The following KIAA1217 variants were observed in gnomAD, a reference collection of about 807,000 sequenced individuals.
KIAA1217 encodes KIAA1217, also known as sickle tail protein homolog.
In KIAA1217, 88 loss-of-function variants were observed where a neutral mutation model predicts 163.9. The observed-to-expected ratio is 0.54, with a 90% CI of 0.45 to 0.64. The LOEUF is 0.64. Among genes scored for constraint, KIAA1217 ranks in the 30% least tolerant of loss-of-function variants. The pLI is 0.00. For synonymous variants in KIAA1217, 903 were observed against 923.1 expected, an observed-to-expected ratio of 0.98 and a Z score of 0.39; for missense variants, 2,372 against 2,475.0, an observed-to-expected ratio of 0.96 and a Z score of 0.88.
At chr10:24,342,313 CT>C (rs2047190750) in intron 2 of KIAA1217, among the ~76,000 whole-genome samples, 1 of 152,180 alleles carries the variant, frequency 6.6e-6, no homozygotes, top group Non-Finnish European at 1.5e-5. Context: ...AAAATGGCAG[CT>C]GACAGCAGAA....
intron 1 of KIAA1217, among the ~76,000 whole-genome samples, chr10:24,215,686 C>T (rs1033060575): frequency 2.0e-5 from 3 of 152,186 alleles, no homozygotes; most frequent in Non-Finnish European, 4.4e-5. Flanking sequence ...TTGCTTCTCC[C>T]CCAGGTGTGG....
At chr10:23,735,612 T>G (rs2130797851) in intron 1 of KIAA1217, among the ~76,000 whole-genome samples, 1 of 152,242 alleles carries the variant, frequency 6.6e-6, no homozygotes, top group Middle Eastern at 3.4e-3. Context: ...TTTTTGTGTC[T>G]TTTGCTCATT....
chr10:24,474,125 C>A, intron 6 of KIAA1217, 65 bp downstream of exon 6: 1 of 1,214,416 alleles, frequency 8.2e-7, no homozygotes, highest in Non-Finnish European at 1.2e-6. Flanking sequence ...GGCAGCTCTA[C>A]AGGGGTCAAA....
intron 12 of KIAA1217, among the ~76,000 whole-genome samples, chr10:24,523,239 T>C (rs770380130): frequency 3.3e-5 from 5 of 151,336 alleles, no homozygotes; most frequent in Non-Finnish European, 7.4e-5. Flanking sequence ...GGAAGATCTC[T>C]TGAACGTAAG....
chr10:23,780,667 A>G (rs1383604290), intron 1 of KIAA1217, among the ~76,000 whole-genome samples: 1 of 152,138 alleles, frequency 6.6e-6, no homozygotes. Context: ...TCCTATAGAT[A>G]TACCAGATTT....
intron 5 of KIAA1217, among the ~76,000 whole-genome samples, chr10:24,452,679 C>CAAAAA (rs1331069997): frequency 3.1e-5 from 2 of 64,090 alleles, no homozygotes; most frequent in East Asian, 5.6e-4. Flanking sequence ...AAGACTGTCT[C>CAAAAA]AAAAAAAAAA....
chr10:24,086,847 G>A (rs367736910), intron 2 of KIAA1217, among the ~76,000 whole-genome samples: 1 of 152,164 alleles, frequency 6.6e-6, no homozygotes, highest in Non-Finnish European at 1.5e-5. Flanking sequence ...GGGTAACCTT[G>A]ACCCAGCAGT....
At chr10:24,039,058 T>C (rs1848516563) in intron 2 of KIAA1217, among the ~76,000 whole-genome samples, 1 of 152,186 alleles carries the variant, frequency 6.6e-6, no homozygotes, top group African/African-American at 2.4e-5. Context: ...ATTGTTGTTG[T>C]AAATTTCTGG....
intron 2 of KIAA1217, among the ~76,000 whole-genome samples, chr10:24,379,559 G>A (rs2053003401): frequency 6.6e-6 from 1 of 152,134 alleles, no homozygotes; most frequent in South Asian, 2.1e-4. Context: ...GAGGCATGTA[G>A]GAAGGTGTGA....
intron 1 of KIAA1217, among the ~76,000 whole-genome samples, chr10:23,976,784 T>C (rs1413723439): frequency 6.6e-6 from 1 of 152,202 alleles, no homozygotes; most frequent in African/African-American, 2.4e-5. Flanking sequence ...AGATTTTCTG[T>C]AAAGTCCTAC....
chr10:24,400,389 G>T (rs2056384783), intron 3 of KIAA1217, among the ~76,000 whole-genome samples: 1 of 152,206 alleles, frequency 6.6e-6, no homozygotes, highest in African/African-American at 2.4e-5. Context: ...TGCTTGCCCA[G>T]TGCAGCTTGG....
chr10:24,334,628 A>T (rs905726494), intron 2 of KIAA1217, among the ~76,000 whole-genome samples: 2 of 152,166 alleles, frequency 1.3e-5, no homozygotes, highest in African/African-American at 4.8e-5. Context: ...TTCTTACTGT[A>T]TTTGCTCACC....
chr10:24,203,569 C>T (rs1194972103), intron 2 of KIAA1217, among the ~76,000 whole-genome samples: 1 of 151,498 alleles, frequency 6.6e-6, no homozygotes, highest in Non-Finnish European at 1.5e-5. Context: ...CCAACCCCCA[C>T]CTCCACAGGT....
chr10:24,304,564 A>G (rs1452513303), intron 2 of KIAA1217, among the ~76,000 whole-genome samples: 1 of 150,326 alleles, frequency 6.7e-6, no homozygotes, highest in Non-Finnish European at 1.5e-5. Flanking sequence ...CTGGTCTTGA[A>G]CTCCTGGCCT....
intron 1 of KIAA1217, among the ~76,000 whole-genome samples, chr10:23,816,028 T>G (rs1174420476): frequency 6.6e-6 from 1 of 152,146 alleles, no homozygotes; most frequent in East Asian, 1.9e-4. Context: ...AATGAAGTCT[T>G]TTAGGAACTC....
At chr10:24,191,735 G>A (rs2066729434) in intron 2 of KIAA1217, among the ~76,000 whole-genome samples, 1 of 152,150 alleles carries the variant, frequency 6.6e-6, no homozygotes, top group Non-Finnish European at 1.5e-5. Context: ...GGACTTATTA[G>A]CAAGAGAAAA....
rs999321526 is a variant in KIAA1217 at position 24,311,918 on chromosome 10, T to C, written c.355-68951T>C. Among the ~76,000 whole-genome samples, 58 of 147,788 alleles carry C rather than the reference T, an allele frequency of 3.9e-4. 1 individual carries two copies. The highest frequency in any genetic ancestry group is 1.5e-5 in the Non-Finnish European group (1 of 66,452). On this transcript the variant is annotated intron_variant, in intron 2 of 20. Transcript: ENST00000376454. ...CTGAGAGGGCAAGAGTATAGCTGGCTTTTTTGTAAGACTCATGAACTCTGT... is the reference window on the plus strand; with the variant it reads ...CTGAGAGGGCAAGAGTATAGCTGGCCTTTTTGTAAGACTCATGAACTCTGT...
At chr10:24,061,747 A>G (rs951801970) in intron 2 of KIAA1217, among the ~76,000 whole-genome samples, 11 of 152,208 alleles carry the variant, frequency 7.2e-5, no homozygotes, top group African/African-American at 2.4e-4. Context: ...TGAAAAACCC[A>G]TTGAAAATCT....
chr10:24,276,560 T>A (rs933973036), intron 2 of KIAA1217, among the ~76,000 whole-genome samples: 6 of 150,804 alleles, frequency 4.0e-5, no homozygotes, highest in East Asian at 3.9e-4. Flanking sequence ...TGCTCCCACC[T>A]CAGCCTCCCT....
Sources: gnomAD v4.1 joint callset for allele counts (sites outside exome capture counted in the v4.1 genomes callset) on GRCh38, gnomAD v4.1.1 for gene constraint, MANE v1.5 for transcripts, NCBI Gene and HGNC (gene_info 2026-07-23, HGNC 2026-07-21) for gene names.